Variants in CHL1 observed in about 807,000 individuals in gnomAD.
CHL1 encodes cell adhesion molecule L1 like.
A neutral mutation model predicts 141.9 loss-of-function variants in CHL1; 96 were observed. That is an observed-to-expected ratio of 0.68 (90% CI 0.57 to 0.80). The LOEUF is 0.80. CHL1 is among the 30% of genes least tolerant of loss of function. The pLI, the probability that CHL1 is intolerant of heterozygous loss-of-function variation, is 0.00. For missense variants in CHL1, 1,820 were observed against 1,457.2 expected, an observed-to-expected ratio of 1.25 and a Z score of -4.05; for synonymous variants, 613 against 502.2, an observed-to-expected ratio of 1.22 and a Z score of -2.95.
chr3:218,800 C>G (rs1700552216), intron 1 of CHL1, among the ~76,000 whole-genome samples: 1 of 152,044 alleles, frequency 6.6e-6, no homozygotes, highest in African/African-American at 2.4e-5. Flanking sequence ...TCATGCAAAT[C>G]AAAACCACAA....
At position 239,241 on chromosome 3, in the gene CHL1, C is replaced by G. The variant is rs113184210; in HGVS notation, c.-174-5372C>G. Among the ~76,000 whole-genome samples, 519 of 152,304 alleles carry G rather than the reference C, an allele frequency of 3.4e-3. 5 individuals are homozygous for G. Among genetic ancestry groups the G allele is most frequent in the African/African-American group, 0.012 (501 of 41,566 alleles). On this transcript the variant is annotated intron_variant, in intron 1 of 27. Coordinates refer to ENST00000256509, the MANE Select transcript of CHL1 (RefSeq NM_006614.4). ...GCACCGGCTAGATCTCAGCCTAGTG[C>G]TAAGCAATTTTTGCATGTTAGTACC...
At chr3:197,782 G>A (rs1698491738) in intron 1 of CHL1, 1 of 456,210 alleles carries the variant, frequency 2.2e-6, no homozygotes, top group Non-Finnish European at 4.4e-6. Context: ...GGCCGTGGTT[G>A]CCATGGCTCC....
intron 1 of CHL1, among the ~76,000 whole-genome samples, chr3:211,147 A>T (rs933243388): frequency 2.6e-5 from 4 of 152,152 alleles, no homozygotes; most frequent in Non-Finnish European, 5.9e-5. Context: ...TGACTAGATT[A>T]CTCAAGGCTT....
At chr3:198,579 C>T (rs1022767797) in intron 1 of CHL1, among the ~76,000 whole-genome samples, 1 of 152,202 alleles carries the variant, frequency 6.6e-6, no homozygotes, top group Non-Finnish European at 1.5e-5. Flanking sequence ...ACCCTCTATA[C>T]TGGGTTGTTG....
chr3:203,916 G>A (rs1361634864), intron 1 of CHL1, among the ~76,000 whole-genome samples: 2 of 152,222 alleles, frequency 1.3e-5, no homozygotes, highest in African/African-American at 4.8e-5. Flanking sequence ...CATCTTGAAG[G>A]CTTTACATTT....
At chr3:394,635 A>G (rs2106399896) in intron 23 of CHL1, 58 bp from the exon 24 acceptor site, 1 of 1,226,824 alleles carries the variant, frequency 8.2e-7, no homozygotes, top group Non-Finnish European at 1.2e-6. Flanking sequence ...AAAATAATGA[A>G]GAATGCAACT....
chr3:367,197 C>T (rs1055038208), intron 15 of CHL1, among the ~76,000 whole-genome samples: 1 of 152,214 alleles, frequency 6.6e-6, no homozygotes, highest in African/African-American at 2.4e-5. Flanking sequence ...AGCTTCGCGT[C>T]CTTTTGCATT....
intron 16 of CHL1, among the ~76,000 whole-genome samples, chr3:378,235 C>G (rs529321627): frequency 1.3e-5 from 2 of 152,234 alleles, no homozygotes; most frequent in African/African-American, 4.8e-5. Flanking sequence ...TCCTAGCACT[C>G]TTGAGCTACT....
rs750543976 is a variant in CHL1 at position 343,066 on chromosome 3, G to T, written c.727+35G>T. 20 of 1,531,664 alleles carry T rather than the reference G, an allele frequency of 1.3e-5. No individual in the cohort carries two copies. The South Asian group carries it at 2.4e-4, about 19-fold the overall frequency. 94.9% of individuals were successfully genotyped at this position (1,531,664 alleles called of 1,614,324 possible). A position where few individuals can be genotyped will look rare whatever the true frequency, so the allele number is the denominator to read the frequency against. On this transcript the variant is annotated intron_variant, in intron 8 of 27. Coordinates refer to ENST00000256509, the MANE Select transcript of CHL1 (RefSeq NM_006614.4). ...ACCCATGTGGAGTGTTGGCATTTGTGTATAGCTCATTGTCATCTCAGATTT... is the reference window on the plus strand; with the variant it reads ...ACCCATGTGGAGTGTTGGCATTTGTTTATAGCTCATTGTCATCTCAGATTT...
chr3:338,784 A>G (rs1702135667), intron 5 of CHL1, among the ~76,000 whole-genome samples: 1 of 152,198 alleles, frequency 6.6e-6, no homozygotes, highest in Non-Finnish European at 1.5e-5. Flanking sequence ...TTGGTGCCTT[A>G]GAAGCCAGTT....
At position 274,584 on chromosome 3, in the gene CHL1, T is replaced by C. The variant is rs186615290; in HGVS notation, c.-95+29892T>C. Among the ~76,000 whole-genome samples, 89 of 152,324 alleles carry C rather than the reference T, an allele frequency of 5.8e-4. 2 individuals are homozygous for C. The highest frequency in any genetic ancestry group is 2.0e-3 in the African/African-American group (84 of 41,562). On this transcript the variant is annotated intron_variant, in intron 2 of 27. Transcript: ENST00000256509. Reference sequence around the variant, plus strand: ...ACAGTCTGGCACAGTTACTGTTTGGTTTATTTTTTTACTCTAGTGAGCTGT... The same window carrying C: ...ACAGTCTGGCACAGTTACTGTTTGGCTTATTTTTTTACTCTAGTGAGCTGT...
In CHL1 at chr3:408,590, T is replaced by C. The variant is rs1004757924; in HGVS notation, c.*2879T>C. The C allele has an allele frequency of 3.9e-5, 6 of 152,142 alleles. No homozygotes were observed. The highest frequency in any genetic ancestry group is 5.9e-5 in the Non-Finnish European group (4 of 68,016). The allele number at this position is 152,142 out of a possible 1,614,324, so 9.4% of individuals were successfully genotyped here. On this transcript the variant is annotated 3_prime_UTR_variant, in exon 28 of 28. Transcript: ENST00000256509. ...TCATAAGCAAACCTTTAACTAATTA[T>C]GTATCTGAAAGTCACCCCCACATAC...
rs752632019 is a variant in CHL1 at position 389,319 on chromosome 3, C to T, written c.2315C>T (p.Ala772Val). 1.2e-6 allele frequency: 2 copies of T among 1,613,940 alleles called. No homozygotes were observed. The highest frequency in any genetic ancestry group is 2.7e-5 in the African/African-American group (2 of 74,918). Residue 772 changes from alanine to valine, a missense_variant, in exon 20 of 28, where the codon GCC (alanine) becomes GTC (valine). Ala to Val is a moderately conservative substitution (Grantham distance 64). Coordinates refer to ENST00000256509, the MANE Select transcript of CHL1 (RefSeq NM_006614.4). ...EYRVTWKPQG[A>V]PVEWEEETVT... is the part of the protein sequence containing the mutation. ...AGAGTGACCTGGAAGCCACAGGGAGCCCCAGTGGAGTGGGAAGAAGAAACA... is the reference window on the plus strand; with the variant it reads ...AGAGTGACCTGGAAGCCACAGGGAGTCCCAGTGGAGTGGGAAGAAGAAACA...
At chr3:397,045 G>A (rs1708735230) in intron 24 of CHL1, among the ~76,000 whole-genome samples, 1 of 152,046 alleles carries the variant, frequency 6.6e-6, no homozygotes, top group African/African-American at 2.4e-5. Context: ...TTCTCTGATT[G>A]TTTTCACTCT....
intron 1 of CHL1, among the ~76,000 whole-genome samples, chr3:243,147 A>G (rs1692829498): frequency 6.6e-6 from 1 of 152,192 alleles, no homozygotes; most frequent in African/African-American, 2.4e-5. Flanking sequence ...TGTAACATTC[A>G]CCTCAGCAAA....
chr3:270,994 T>A (rs556814436), intron 2 of CHL1, among the ~76,000 whole-genome samples: 1 of 152,342 alleles, frequency 6.6e-6, no homozygotes, highest in Admixed American at 6.5e-5. Context: ...GTTACAAGTA[T>A]ATCATTAAGA....
chr3:253,536 G>A (rs1410763938), intron 2 of CHL1, among the ~76,000 whole-genome samples: 1 of 152,124 alleles, frequency 6.6e-6, no homozygotes, highest in Admixed American at 6.6e-5. Context: ...TCCATAACTT[G>A]TTAGTTTAGC....
chr3:333,541 T>A (rs1701629596), intron 5 of CHL1, among the ~76,000 whole-genome samples: 1 of 152,118 alleles, frequency 6.6e-6, no homozygotes, highest in South Asian at 2.1e-4. Context: ...ACAAACAGAA[T>A]GTACCATTTT....
intron 1 of CHL1, among the ~76,000 whole-genome samples, chr3:239,119 G>A: frequency 6.6e-6 from 1 of 152,090 alleles, no homozygotes; most frequent in Non-Finnish European, 1.5e-5. Context: ...GGAACCCGGA[G>A]ACTGATCTCA....
Sources: allele counts gnomAD v4.1 joint callset (sites outside exome capture counted in the v4.1 genomes callset), GRCh38; gene constraint gnomAD v4.1.1; transcripts MANE v1.5; gene names NCBI Gene and HGNC (gene_info 2026-07-23, HGNC 2026-07-21).